OPCML: variants seen among roughly 807,000 people sequenced by gnomAD.
OPCML encodes the protein opioid binding protein/cell adhesion molecule like, also known as opioid-binding protein/cell adhesion molecule.
OPCML carries 13 observed loss-of-function variants against 37.8 expected under a neutral mutation model. That is an observed-to-expected ratio of 0.34 (90% confidence interval 0.22 to 0.55). OPCML has a LOEUF of 0.55. OPCML is among the 20% of genes least tolerant of loss of function. The pLI is 0.91. For synonymous variants in OPCML, 176 were observed against 168.8 expected, an observed-to-expected ratio of 1.04 and a Z score of -0.33; for missense variants, 341 against 435.6, an observed-to-expected ratio of 0.78 and a Z score of 1.93.
intron 2 of OPCML, among the ~76,000 whole-genome samples, chr11:132,844,841 A>G (rs939104063): frequency 6.6e-6 from 1 of 152,002 alleles, no homozygotes; most frequent in Non-Finnish European, 1.5e-5. Flanking sequence ...ACTGCACACT[A>G]TAAGTGGACC....
At chr11:133,471,993 A>T (rs1046781190) in intron 1 of OPCML, among the ~76,000 whole-genome samples, 3 of 152,184 alleles carry the variant, frequency 2.0e-5, no homozygotes, top group Non-Finnish European at 4.4e-5. Context: ...ATGAGAGCTG[A>T]TCTTTCTATT....
intron 1 of OPCML, among the ~76,000 whole-genome samples, chr11:133,359,363 G>A (rs1260805217): frequency 1.3e-5 from 2 of 152,136 alleles, no homozygotes; most frequent in Admixed American, 1.3e-4. Flanking sequence ...TCACATTCAT[G>A]AGGATGCCAT....
intron 2 of OPCML, among the ~76,000 whole-genome samples, chr11:132,660,888 A>T (rs566989215): frequency 2.0e-5 from 3 of 152,122 alleles, no homozygotes; most frequent in Non-Finnish European, 4.4e-5. Flanking sequence ...GGAGACACAG[A>T]ATTACACTGC....
At chr11:132,520,426 C>A (rs947070778) in intron 4 of OPCML, among the ~76,000 whole-genome samples, 48 of 152,146 alleles carry the variant, frequency 3.2e-4, no homozygotes, top group African/African-American at 1.2e-3. Flanking sequence ...TTTTAGGGAG[C>A]TGCTATAAAC....
chr11:133,465,971 T>A (rs1946969763), intron 1 of OPCML, among the ~76,000 whole-genome samples: 1 of 152,224 alleles, frequency 6.6e-6, no homozygotes, highest in African/African-American at 2.4e-5. Flanking sequence ...ATGCATTTGT[T>A]TAGCTACAAT....
intron 2 of OPCML, among the ~76,000 whole-genome samples, chr11:132,917,231 C>T (rs995789268): frequency 2.0e-5 from 3 of 152,202 alleles, no homozygotes; most frequent in African/African-American, 4.8e-5. Flanking sequence ...TTATAACTTG[C>T]CTGCTCACCC....
At chr11:132,691,555 G>C (rs1474052337) in intron 2 of OPCML, among the ~76,000 whole-genome samples, 1 of 152,208 alleles carries the variant, frequency 6.6e-6, no homozygotes, top group East Asian at 1.9e-4. Context: ...AAAAGATGTT[G>C]AGTGTCAGCT....
At chr11:133,222,106 GCAGGACCAGATGCT>G (rs1939860982) in intron 1 of OPCML, among the ~76,000 whole-genome samples, 1 of 152,148 alleles carries the variant, frequency 6.6e-6, no homozygotes. Flanking sequence ...TGTGTGCCCA[GCAGGACCAGATGCT>G]CAAGGATGGC....
At chr11:133,282,469 T>G (rs545709136) in intron 1 of OPCML, among the ~76,000 whole-genome samples, 4 of 152,294 alleles carry the variant, frequency 2.6e-5, no homozygotes, top group Non-Finnish European at 5.9e-5. Context: ...CTCCAAGATT[T>G]CAGAGGATGT....
At chr11:132,833,410 A>G (rs1339927987) in intron 2 of OPCML, among the ~76,000 whole-genome samples, 4 of 152,090 alleles carry the variant, frequency 2.6e-5, no homozygotes, top group South Asian at 2.1e-4. Context: ...GGGCAATAAC[A>G]CGCATGGAGC....
chr11:133,269,453 C>T (rs1001588513), intron 1 of OPCML, among the ~76,000 whole-genome samples: 5 of 152,234 alleles, frequency 3.3e-5, no homozygotes, highest in Non-Finnish European at 7.3e-5. Flanking sequence ...CACCTTCTCA[C>T]TCACTGATCT....
intron 2 of OPCML, among the ~76,000 whole-genome samples, chr11:132,847,128 C>G (rs1271326321): frequency 6.6e-6 from 1 of 152,112 alleles, no homozygotes; most frequent in Non-Finnish European, 1.5e-5. Flanking sequence ...AGGGTAAGCA[C>G]AGAGGGTAAG....
chr11:132,965,961 G>C (rs528761908), intron 1 of OPCML, among the ~76,000 whole-genome samples: 12 of 151,988 alleles, frequency 7.9e-5, no homozygotes, highest in African/African-American at 2.9e-4. Context: ...CTAGCCAAAG[G>C]TTTGTCAATT....
chr11:133,460,662 A>G (rs2136984043), intron 1 of OPCML, among the ~76,000 whole-genome samples: 1 of 152,034 alleles, frequency 6.6e-6, no homozygotes, highest in Admixed American at 6.5e-5. Flanking sequence ...AAATTTGAAT[A>G]GACCTATAAC....
Position 133,532,254 on chromosome 11 carries a change from T to C in OPCML, c.61+10A>G. The stretch of plus-strand genomic sequence containing the variant: ...CCAGGGAGAGAAAACACCCTTCCCC[T>C]GTACGGTACCTGGGATGAAGAGCAG... On this transcript the variant is annotated intron_variant, in intron 1 of 7. Coordinates refer to ENST00000524381, the MANE Select transcript of OPCML (RefSeq NM_001012393.5). 3 of 1,613,664 alleles carry C rather than the reference T, an allele frequency of 1.9e-6. No homozygotes were observed. Among genetic ancestry groups the C allele is most frequent in the Non-Finnish European group, 2.5e-6 (3 of 1,179,802 alleles).
chr11:133,084,273 T>G (rs1023753746), intron 1 of OPCML, among the ~76,000 whole-genome samples: 2 of 152,200 alleles, frequency 1.3e-5, no homozygotes, highest in African/African-American at 4.8e-5. Context: ...CCCAGACACC[T>G]GCACAGGGCC....
chr11:133,235,784 T>C (rs750296260), intron 1 of OPCML, among the ~76,000 whole-genome samples: 7 of 152,176 alleles, frequency 4.6e-5, no homozygotes, highest in Admixed American at 4.6e-4. Flanking sequence ...AACTCAGAGC[T>C]ACAACAAATG....
At chr11:133,390,070 G>A (rs1181953814) in intron 1 of OPCML, among the ~76,000 whole-genome samples, 1 of 152,182 alleles carries the variant, frequency 6.6e-6, no homozygotes, top group Non-Finnish European at 1.5e-5. Context: ...GTAAGTCACT[G>A]CTTACATTGA....
intron 1 of OPCML, among the ~76,000 whole-genome samples, chr11:133,150,447 C>A (rs971970746): frequency 6.6e-6 from 1 of 152,200 alleles, no homozygotes; most frequent in African/African-American, 2.4e-5. Context: ...TCTGAACCCT[C>A]TGTTTTCAGT....
Sources: gnomAD v4.1 joint callset for allele counts (sites outside exome capture counted in the v4.1 genomes callset) on GRCh38, gnomAD v4.1.1 for gene constraint, MANE v1.5 for transcripts, NCBI Gene and HGNC (gene_info 2026-07-23, HGNC 2026-07-21) for gene names.